Variants in VPS35 observed in about 807,000 individuals in gnomAD.
The protein encoded by VPS35 is VPS35 retromer complex component.
A neutral mutation model predicts 98.1 loss-of-function variants in VPS35; 21 were observed. The observed-to-expected ratio is 0.21, with a 90% confidence interval of 0.15 to 0.31. The LOEUF (loss-of-function observed/expected upper bound fraction) is 0.31. VPS35 is among the 10% of genes least tolerant of loss of function. VPS35 has a pLI of 1.00. For synonymous variants in VPS35, 268 were observed against 318.2 expected, an observed-to-expected ratio of 0.84 and a Z score of 1.68; for missense variants, 554 against 950.8, an observed-to-expected ratio of 0.58 and a Z score of 5.49.
intron 13 of VPS35, among the ~76,000 whole-genome samples, chr16:46,665,814 T>C (rs1457419437): frequency 6.6e-6 from 1 of 152,192 alleles, no homozygotes; most frequent in East Asian, 1.9e-4. Flanking sequence ...TTTTAGTGAC[T>C]GGGTCTCCCT....
At chr16:46,686,901 T>C (rs531434094) in intron 1 of VPS35, among the ~76,000 whole-genome samples, 6 of 152,342 alleles carry the variant, frequency 3.9e-5, no homozygotes, top group Non-Finnish European at 5.9e-5. Flanking sequence ...ACAGTTCTAA[T>C]GTGCAGAGCA....
chr16:46,671,086 CTAA>C (rs1966061530), intron 12 of VPS35, among the ~76,000 whole-genome samples: 1 of 150,118 alleles, frequency 6.7e-6, no homozygotes, highest in African/African-American at 2.5e-5. Flanking sequence ...TCCCTGTGGA[CTAA>C]TAATAAAGAG....
intron 1 of VPS35, chr16:46,688,654 G>C: frequency 9.8e-7 from 1 of 1,024,682 alleles, no homozygotes; most frequent in Non-Finnish European, 1.2e-6. Flanking sequence ...GAATCACTGC[G>C]ACCCCTCCAG....
At position 46,656,234 on chromosome 16, in the gene VPS35, TCTC is replaced by T. The variant is rs1020311898; in HGVS notation, c.*4235_*4237del. ...TCTGGGTAGGTGGAGGAATGGCTGA[TCTC>T]CTCTTGTCTTTGCTCTGCACATGGG... On this transcript the variant is annotated 3_prime_UTR_variant, in exon 17 of 17. Coordinates refer to ENST00000299138, the MANE Select transcript of VPS35 (RefSeq NM_018206.6). 4.6e-5 allele frequency: 7 copies of T among 152,308 alleles called. No individual in the cohort carries two copies. In the East Asian group the frequency reaches 1.2e-3, roughly 25 times the overall value. The allele number at this position is 152,308 out of a possible 1,614,324, so 9.4% of individuals were successfully genotyped here. A position where few individuals can be genotyped will look rare whatever the true frequency, so the allele number is the denominator to read the frequency against.
At chr16:46,686,247 A>G (rs1966312538) in intron 1 of VPS35, among the ~76,000 whole-genome samples, 2 of 152,138 alleles carry the variant, frequency 1.3e-5, no homozygotes, top group Admixed American at 6.5e-5. Flanking sequence ...ATTTCATTAT[A>G]TATCTATATA....
chr16:46,681,795 T>C (rs1966239059), intron 3 of VPS35: 7 of 539,292 alleles, frequency 1.3e-5, no homozygotes, highest in South Asian at 8.3e-5. Flanking sequence ...CATAACAAAA[T>C]CTAAGTATTA....
At chr16:46,678,087 G>A (rs1966177903) in intron 6 of VPS35, among the ~76,000 whole-genome samples, 1 of 152,176 alleles carries the variant, frequency 6.6e-6, no homozygotes, top group African/African-American at 2.4e-5. Flanking sequence ...ATTATGGATT[G>A]TCCAGTCAGA....
At chr16:46,688,433 C>T (rs1294086285) in intron 1 of VPS35, 25 of 987,046 alleles carry the variant, frequency 2.5e-5, no homozygotes, top group Non-Finnish European at 2.9e-5. Flanking sequence ...CTGCTTCCAG[C>T]AAGTCAAATA....
chr16:46,672,250 T>C lies in VPS35; in HGVS notation c.1368+15A>G, dbSNP rs372967908. 75 of 1,608,352 alleles carry C rather than the reference T, an allele frequency of 4.7e-5. No homozygotes were observed. In the African/African-American group the frequency reaches 9.1e-4, roughly 19 times the overall value. On this transcript the variant is annotated intron_variant, in intron 11 of 16. Coordinates refer to ENST00000299138, the MANE Select transcript of VPS35 (RefSeq NM_018206.6). ...AACACTGTTTCCCTAAAATAGCACG[T>C]AGGTATTCTCTTACCTGGTCTTGAG... is the stretch of plus-strand genomic sequence containing the variant.
rs778590455 is a variant in VPS35, at chr16:46,674,613, T to C, written c.962A>G (p.Asp321Gly). The change falls in exon 9 of 17, where the codon GAT becomes GGT. Residue 321 changes from aspartate to glycine, a missense_variant. By Grantham distance (94) the Asp-to-Gly change is moderately conservative. Around this residue, in one of 5 missense-constraint regions of VPS35, gnomAD observed 254 missense variants for 390.1 expected, o/e 0.65. Transcript: ENST00000299138. ...TGAAAATATATCAAAAAGTTTAATA[T>C]CCGCTGGGATTCCAGGTCCATCTTC... Reference protein sequence around the residue: ...HREDGPGIPADIKLFDIFSQQ... With the variant: ...HREDGPGIPAGIKLFDIFSQQ... 6 of 1,611,034 alleles carry C rather than the reference T, an allele frequency of 3.7e-6. No individual in the cohort carries two copies. In the East Asian group the frequency reaches 6.7e-5, roughly 18 times the overall value.
At chr16:46,679,212 T>A in intron 5 of VPS35, 56 bp from the exon 6 acceptor site, 1 of 1,443,098 alleles carries the variant, frequency 6.9e-7, no homozygotes, top group Non-Finnish European at 9.5e-7. Flanking sequence ...CTTACTACTA[T>A]CCTTCTCCTT....
At chr16:46,670,660 C>T (rs1470661110) in intron 12 of VPS35, among the ~76,000 whole-genome samples, 1 of 152,162 alleles carries the variant, frequency 6.6e-6, no homozygotes, top group East Asian at 1.9e-4. Flanking sequence ...CAATCTCACA[C>T]AGAAACATAA....
chr16:46,662,157 A>C, intron 15 of VPS35, 86 bp downstream of exon 15: 1 of 1,608,496 alleles, frequency 6.2e-7, no homozygotes, highest in East Asian at 2.2e-5. Context: ...AGCACCCCAA[A>C]TGTTTCACCT....
In VPS35 at chr16:46,662,972, C is replaced by A. The variant is rs956063150; in HGVS notation, c.1827+11G>T. On this transcript the variant is annotated intron_variant, in intron 14 of 16. Coordinates refer to ENST00000299138, the MANE Select transcript of VPS35 (RefSeq NM_018206.6). ...AGCTGACATGACAACGCAGAAAGAA[C>A]AGATCATCACCTGGGACATGAATTC... 1 of 1,614,092 alleles carries A rather than the reference C, an allele frequency of 6.2e-7. No homozygotes were observed. The highest frequency in any genetic ancestry group is 1.3e-5 in the African/African-American group (1 of 74,940).
rs1003489996 is a variant in VPS35 at position 46,688,902 on chromosome 16, C to G, written c.3+229G>C. ...AAGTCAACCCCACAGAGAGGCCGCC[C>G]CGTCTCTCAGCAACGGCCGCAGCCA... On this transcript the variant is annotated intron_variant, in intron 1 of 16. Transcript: ENST00000299138. The G allele has an allele frequency of 5.5e-6, 8 of 1,453,344 alleles. No homozygotes were observed. The African/African-American group carries it at 9.9e-5, about 18-fold the overall frequency. The allele number at this position is 1,453,344 out of a possible 1,614,324, so 90.0% of individuals were successfully genotyped here.
intron 12 of VPS35, among the ~76,000 whole-genome samples, chr16:46,670,384 A>G (rs1966050701): frequency 6.6e-6 from 1 of 152,150 alleles, no homozygotes; most frequent in African/African-American, 2.4e-5. Context: ...CCCAGGTTCA[A>G]GTGATTCTCC....
chr16:46,679,226 G>C (rs1966195533), intron 5 of VPS35, 70 bp from the exon 6 acceptor site: 6 of 1,352,928 alleles, frequency 4.4e-6, no homozygotes, highest in Middle Eastern at 1.8e-4. Flanking sequence ...TCTCCTTTGT[G>C]TATTTCCTAC....
chr16:46,669,974 C>G (rs888678161), intron 12 of VPS35, among the ~76,000 whole-genome samples: 1 of 152,106 alleles, frequency 6.6e-6, no homozygotes. Context: ...AATTTTAAGA[C>G]CATTTAAGTC....
chr16:46,686,386 C>G (rs1966315405), intron 1 of VPS35, among the ~76,000 whole-genome samples: 1 of 151,926 alleles, frequency 6.6e-6, no homozygotes, highest in Non-Finnish European at 1.5e-5. Flanking sequence ...CAATCAGTTC[C>G]AAAAACATTT....
Sources: gnomAD v4.1 joint callset for allele counts (sites outside exome capture counted in the v4.1 genomes callset) on GRCh38, gnomAD v4.1.1 for gene constraint, gnomAD v4.1.1 regional missense constraint, MANE v1.5 for transcripts, NCBI Gene and HGNC (gene_info 2026-07-23, HGNC 2026-07-21) for gene names.